The following TOPORS variants were observed in gnomAD, a reference collection of about 807,000 sequenced individuals.
TOPORS encodes the protein TOP1 binding arginine/serine rich protein, E3 ubiquitin ligase, also known as E3 ubiquitin-protein ligase Topors.
A neutral mutation model predicts 81.4 loss-of-function variants in TOPORS; 25 were observed. The ratio of observed to expected loss-of-function variants is 0.31; its 90% CI spans 0.22 to 0.43. The LOEUF (loss-of-function observed/expected upper bound fraction) is 0.43. TOPORS is among the 20% of genes least tolerant of loss of function. The pLI is 1.00. For missense variants in TOPORS, 1,101 were observed against 1,267.0 expected (o/e 0.87, Z 1.99); for synonymous variants, 473 against 456.6 (o/e 1.04, Z -0.46).
In TOPORS at chr9:32,542,962, A is replaced by G; in HGVS notation, c.1563T>C (p.Ser521=). 1 of 1,614,190 alleles carries G rather than the reference A, an allele frequency of 6.2e-7. No individual in the cohort carries two copies. Among genetic ancestry groups the G allele is most frequent in the Non-Finnish European group, 8.5e-7 (1 of 1,180,030 alleles). Residue 521 remains serine (S), a synonymous_variant, in exon 3 of 3, where the codon TCT becomes TCC. Coordinates refer to ENST00000360538, the MANE Select transcript of TOPORS (RefSeq NM_005802.5). ...ETVKTQEQEQ[S]YSSGDSDVSR... ...TAACATCGCTATCACCAGAACTGTA[A>G]GATTGCTCCTGTTCTTGTGTCTTCA...
Position 32,543,412 on chromosome 9 carries a change from A to T in TOPORS, c.1113T>A (p.His371Gln). The T allele has an allele frequency of 1.2e-6, 2 of 1,613,892 alleles. No homozygotes were observed. Among genetic ancestry groups the T allele is most frequent in the Non-Finnish European group, 1.7e-6 (2 of 1,179,802 alleles). The change falls in exon 3 of 3, where the codon CAT becomes CAA. Residue 371 changes from histidine to glutamine, a missense_variant. Coordinates refer to ENST00000360538, the MANE Select transcript of TOPORS (RefSeq NM_005802.5). The surrounding 1 kb of genome is among the most constrained non-coding windows in gnomAD (Gnocchi z 5.6). ...SPFNMAAFDQ[H>Q]ANYDCPAPSY... The stretch of plus-strand genomic sequence containing the variant: ...AAGGAGCAGGGCAATCATAATTGGC[A>T]TGCTGGTCAAAGGCTGCCATGTTAA...
chr9:32,548,592 A>G (rs1329876067), intron 2 of TOPORS, among the ~76,000 whole-genome samples: 2 of 152,148 alleles, frequency 1.3e-5, no homozygotes, highest in African/African-American at 2.4e-5. Context: ...GAATTTAAGT[A>G]GCAAAGGTAG....
In TOPORS at chr9:32,541,272, G is replaced by GT; in HGVS notation, c.*114dup. On this transcript the variant is annotated 3_prime_UTR_variant, in exon 3 of 3. Transcript: ENST00000360538. ...CAAAAAAAAAATCATTTAAAATATT[G>GT]TAAGGAGGAAGAGAGTTTTCACCAA... 9.7e-7 allele frequency: 1 copy of GT among 1,027,310 alleles called. No individual in the cohort carries two copies. The allele number at this position is 1,027,310 out of a possible 1,614,324, so 63.6% of individuals were successfully genotyped here.
intron 2 of TOPORS, 31 bp from the exon 3 acceptor site, chr9:32,544,357 C>T: frequency 6.3e-7 from 1 of 1,591,722 alleles, no homozygotes; most frequent in Non-Finnish European, 8.5e-7. Context: ...TATCAGTAAC[C>T]TGATAATAGA....
rs1412867016 is a variant in TOPORS, at chr9:32,540,616, T to C, written c.*771A>G. 1 of 152,466 alleles carries C rather than the reference T, an allele frequency of 6.6e-6. No individual in the cohort carries two copies. Among genetic ancestry groups the C allele is most frequent in the Non-Finnish European group, 1.5e-5 (1 of 68,024 alleles). The allele number at this position is 152,466 out of a possible 1,614,324, so 9.4% of individuals were successfully genotyped here. ...TACTGATGATAGAAAGCAAATAAGA[T>C]ACTCCTCAAAATCAAAGAAAATAAT... On this transcript the variant is annotated 3_prime_UTR_variant, in exon 3 of 3. Coordinates refer to ENST00000360538, the MANE Select transcript of TOPORS (RefSeq NM_005802.5).
rs764155649 is a variant in TOPORS at position 32,543,446 on chromosome 9, C to T, written c.1079G>A (p.Arg360Gln). The change falls in exon 3 of 3, where the codon CGA becomes CAA. Residue 360 changes from arginine to glutamine, a missense_variant. Physicochemically the swap from Arg to Gln is conservative, Grantham distance 43 (BLOSUM62 1). Transcript: ENST00000360538. The surrounding 1 kb of genome is among the most constrained non-coding windows in gnomAD (Gnocchi z 5.6). ...AAAGGCTGCCATGTTAAAAGGAGAT[C>T]GGGCAAAACTGATAAATTCATGTAT... is the stretch of plus-strand genomic sequence containing the variant. ...HFIHEFISFA[R>Q]SPFNMAAFDQ... is the part of the protein sequence containing the mutation. 9.9e-6 allele frequency: 16 copies of T among 1,613,594 alleles called. No homozygotes were observed. In the East Asian group the frequency reaches 1.8e-4, roughly 18 times the overall value.
intron 2 of TOPORS, 40 bp downstream of exon 2, chr9:32,550,734 C>A (rs1821224958): frequency 6.2e-7 from 1 of 1,610,672 alleles, no homozygotes; most frequent in Non-Finnish European, 8.5e-7. Context: ...TCCCACGGCC[C>A]TTCCGACCCC....
In TOPORS at chr9:32,543,339, G is replaced by C. The variant is rs771478721; in HGVS notation, c.1186C>G (p.Pro396Ala). 2 of 1,614,078 alleles carry C rather than the reference G, an allele frequency of 1.2e-6. No homozygotes were observed. The highest frequency in any genetic ancestry group is 1.7e-6 in the Non-Finnish European group (2 of 1,180,016). Reference protein sequence around the residue: ...HSDSSVITISPDEAETQELDI... With the variant: ...HSDSSVITISADEAETQELDI... ...AGCTCTTGGGTCTCAGCCTCATCTG[G>C]AGATATTGTTATGACTGAAGAATCA... Residue 396 changes from proline to alanine, a missense_variant, in exon 3 of 3, where the codon CCA (proline) becomes GCA (alanine). This residue lies in a region of TOPORS where 103 missense variants were observed against 112.1 expected (regional missense o/e 0.92). Coordinates refer to ENST00000360538, the MANE Select transcript of TOPORS (RefSeq NM_005802.5). The surrounding 1 kb of genome is among the most constrained non-coding windows in gnomAD (Gnocchi z 5.6).
chr9:32,549,306 C>CA (rs1353425117), intron 2 of TOPORS, among the ~76,000 whole-genome samples: 10 of 151,356 alleles, frequency 6.6e-5, no homozygotes, highest in Non-Finnish European at 1.5e-4. Flanking sequence ...GACTCCGTCT[C>CA]AAAAAAAATA....
chr9:32,548,534 A>ACACAAAC (rs1821173022), intron 2 of TOPORS, among the ~76,000 whole-genome samples: 1 of 150,696 alleles, frequency 6.6e-6, no homozygotes, highest in Non-Finnish European at 1.5e-5. Context: ...CTCACACACA[A>ACACAAAC]ACACACACAC....
At position 32,543,265 on chromosome 9, in the gene TOPORS, A is replaced by G. The variant is rs764067914; in HGVS notation, c.1260T>C (p.Thr420=). 2 of 1,613,836 alleles carry G rather than the reference A, an allele frequency of 1.2e-6. No homozygotes were observed. The highest frequency in any genetic ancestry group is 1.7e-6 in the Non-Finnish European group (2 of 1,180,022). The change falls in exon 3 of 3, where the codon ACT becomes ACC. Residue 420 remains threonine, a synonymous_variant. Transcript: ENST00000360538. This position sits in a 1 kb window ranked among gnomAD's most constrained non-coding sequence, Gnocchi z 5.6. ...CTGAGCTTGAGTAAGATGGTCCTGG[A>G]GTTTCATCATCCCATGGTGCCTGAC... The part of the protein sequence containing the change: ...TVSQAPWDDE[T]PGPSYSSSEQ...
chr9:32,541,188 CA>C lies in TOPORS; in HGVS notation c.*198del, dbSNP rs1821050474. On this transcript the variant is annotated 3_prime_UTR_variant, in exon 3 of 3. Transcript: ENST00000360538. ...GTATCATTTTCTTCACTTAAAAGTGCATATCTTTGAGGGTGGGACATACATT... is the reference window on the plus strand; with the variant it reads ...GTATCATTTTCTTCACTTAAAAGTGCTATCTTTGAGGGTGGGACATACATT... 39 of 534,298 alleles carry C rather than the reference CA, an allele frequency of 7.3e-5. No homozygotes were observed. The South Asian group carries it at 9.4e-4, about 13-fold the overall frequency. The allele number at this position is 534,298 out of a possible 1,614,324, so 33.1% of individuals were successfully genotyped here.
chr9:32,548,718 TCA>T (rs1821176398), intron 2 of TOPORS, among the ~76,000 whole-genome samples: 1 of 152,180 alleles, frequency 6.6e-6, no homozygotes, highest in African/African-American at 2.4e-5. Flanking sequence ...GTTCTTCCAG[TCA>T]CACTTCCTAA....
chr9:32,551,692 T>C, intron 1 of TOPORS: 1 of 341,882 alleles, frequency 2.9e-6, no homozygotes, highest in Non-Finnish European at 6.4e-6. Context: ...GAGCTGAACC[T>C]GGTACGCTCG....
intron 1 of TOPORS, chr9:32,551,372 T>TGTAC (rs1563987527): frequency 2.0e-5 from 7 of 341,604 alleles, no homozygotes; most frequent in Non-Finnish European, 3.4e-5. Flanking sequence ...CACCTCCTGT[T>TGTAC]GTACGCCTCC....
Position 32,542,496 on chromosome 9 carries a change from G to A in TOPORS, c.2029C>T (p.His677Tyr). ...TSRSRSRSSD[H>Y]GKRRSRSRNR... ...CTGCTCCGTGATCTTCTTTTACCAT[G>A]ATCACTGCTACGAGACCTTGATCTG... The change falls in exon 3 of 3, where the codon CAT (histidine) becomes TAT (tyrosine). Residue 677 changes from histidine (H) to tyrosine (Y), a missense_variant. His to Tyr is a moderately conservative substitution (Grantham distance 83). This residue lies in a region of TOPORS where 605 missense variants were observed against 636.1 expected (regional missense o/e 0.95). Coordinates refer to ENST00000360538, the MANE Select transcript of TOPORS (RefSeq NM_005802.5). 6.2e-7 allele frequency: 1 copy of A among 1,613,804 alleles called. No individual in the cohort carries two copies. The highest frequency in any genetic ancestry group is 1.3e-5 in the African/African-American group (1 of 74,968).
chr9:32,551,430 C>G (rs1354044770), intron 1 of TOPORS: 1 of 319,492 alleles, frequency 3.1e-6, no homozygotes, highest in East Asian at 8.3e-5. Flanking sequence ...AGAGCCCAAC[C>G]AGTATCCTAT....
chr9:32,551,716 C>A, intron 1 of TOPORS: 1 of 398,232 alleles, frequency 2.5e-6, no homozygotes, highest in South Asian at 1.7e-5. Context: ...ACCAAACTGC[C>A]GTGCTCGGGG....
chr9:32,552,191 AAGC>A, intron 1 of TOPORS: 2 of 598,980 alleles, frequency 3.3e-6, no homozygotes, highest in African/African-American at 1.9e-5. Context: ...AAAAAAAAAA[AAGC>A]AATTTTTAAC....
Sources: allele counts gnomAD v4.1 joint callset (sites outside exome capture counted in the v4.1 genomes callset), GRCh38; gene constraint gnomAD v4.1.1; regional missense constraint gnomAD v4.1.1; non-coding constraint Gnocchi (gnomAD v3.1); transcripts MANE v1.5; gene names NCBI Gene and HGNC (gene_info 2026-07-23, HGNC 2026-07-21).